Variants in CDH13 observed in about 807,000 individuals in gnomAD.
The protein encoded by CDH13 is cadherin 13, also known as cadherin-13.
Under a neutral mutation model 63.8 loss-of-function variants are expected in CDH13, and 24 were observed. The observed-to-expected ratio is 0.38, with a 90% CI of 0.27 to 0.53. CDH13 has a LOEUF of 0.53. CDH13 is among the 20% of genes least tolerant of loss of function. CDH13 has a pLI of 0.85. For missense variants in CDH13, 1,049 were observed against 903.1 expected (o/e 1.16, Z -2.07); for synonymous variants, 503 against 355.3 (o/e 1.42, Z -4.67).
In CDH13 at chr16:83,799,018, T is replaced by C. The variant is rs1567604621; in HGVS notation, c.*3988T>C. 1 of 152,060 alleles carries C rather than the reference T, an allele frequency of 6.6e-6. No individual in the cohort carries two copies. Among genetic ancestry groups the C allele is most frequent in the Non-Finnish European group, 1.5e-5 (1 of 67,994 alleles). The allele number at this position is 152,060 out of a possible 1,614,324, so 9.4% of individuals were successfully genotyped here. A position where few individuals can be genotyped will look rare whatever the true frequency, so the allele number is the denominator to read the frequency against. ...CTCCTAGATTAATTTAACATCTCAG[T>C]TAATCAAAAGTAGCCGGGCATGGTG... On this transcript the variant is annotated 3_prime_UTR_variant, in exon 14 of 14. Coordinates refer to ENST00000567109, the MANE Select transcript of CDH13 (RefSeq NM_001257.5).
chr16:82,899,850 T>C (rs1446861702), intron 2 of CDH13, among the ~76,000 whole-genome samples: 2 of 152,222 alleles, frequency 1.3e-5, no homozygotes, highest in African/African-American at 4.8e-5. Flanking sequence ...CTCTTTGCTG[T>C]TATTTCTCCA....
chr16:82,789,835 C>G (rs1027218764), intron 1 of CDH13, among the ~76,000 whole-genome samples: 7 of 152,158 alleles, frequency 4.6e-5, no homozygotes, highest in South Asian at 2.1e-4. Context: ...GTTTCTATGA[C>G]TGACCAGCCT....
intron 1 of CDH13, among the ~76,000 whole-genome samples, chr16:82,660,983 C>G (rs1159127271): frequency 4.6e-5 from 7 of 151,634 alleles, no homozygotes; most frequent in African/African-American, 1.5e-4. Flanking sequence ...AAAAACAAAC[C>G]AAACACCCAC....
At chr16:83,382,655 G>A (rs140407067) in intron 6 of CDH13, among the ~76,000 whole-genome samples, 12 of 152,162 alleles carry the variant, frequency 7.9e-5, no homozygotes, top group Admixed American at 5.9e-4. Flanking sequence ...TCCACACCCC[G>A]TTCAGGGTTT....
At chr16:83,633,929 T>G (rs1981863) in intron 8 of CDH13, among the ~76,000 whole-genome samples, 148,918 of 152,234 alleles carry the variant, frequency 0.98, 72,929 homozygotes, top group East Asian at 1. Flanking sequence ...TTTTTCCATT[T>G]TTCCATGATC....
intron 7 of CDH13, among the ~76,000 whole-genome samples, chr16:83,581,478 C>T (rs1028738992): frequency 7.9e-5 from 12 of 152,148 alleles, no homozygotes; most frequent in African/African-American, 2.7e-4. Context: ...CTCCTTATTC[C>T]TTTCATGACT....
chr16:83,696,463 C>T (rs34156079), intron 10 of CDH13, among the ~76,000 whole-genome samples: 41,297 of 151,832 alleles, frequency 0.27, 5,854 homozygotes, highest in Non-Finnish European at 0.29. Flanking sequence ...CATGAAGAGA[C>T]GTCCTTCAAG....
Position 83,226,659 on chromosome 16 carries a change from C to T in CDH13, c.636+9162C>T, listed in dbSNP as rs1007143271. Among the ~76,000 whole-genome samples, 6 of 152,152 alleles carry T rather than the reference C, an allele frequency of 3.9e-5. No individual in the cohort carries two copies. The East Asian group carries it at 7.7e-4, about 20-fold the overall frequency. On this transcript the variant is annotated intron_variant, in intron 5 of 13. Transcript: ENST00000567109. ...TGGCGGCATTTTCTTTCCCAAGGTG[C>T]GGAAGCATCGCAATACATTGGGACT...
At position 83,164,589 on chromosome 16, in the gene CDH13, G is replaced by A. The variant is rs189669645; in HGVS notation, c.483+39088G>A. 3.3e-3 allele frequency among the ~76,000 whole-genome samples: 506 copies of A among 151,948 alleles called. 5 individuals carry two copies. Among genetic ancestry groups the A allele is most frequent in the Non-Finnish European group, 5.1e-3 (348 of 67,962 alleles). ...TACAGAAATTAGCCAGGCATGGTGG[G>A]GGCGCCTGCAATCCCAGCTACTCAG... On this transcript the variant is annotated intron_variant, in intron 4 of 13. Coordinates refer to ENST00000567109, the MANE Select transcript of CDH13 (RefSeq NM_001257.5).
intron 11 of CDH13, among the ~76,000 whole-genome samples, chr16:83,765,596 T>C (rs1487619959): frequency 6.6e-6 from 1 of 151,726 alleles, no homozygotes; most frequent in Non-Finnish European, 1.5e-5. Flanking sequence ...ATTTCTGAGA[T>C]GAAATTGGCA....
rs961614845 is a variant in CDH13, at chr16:83,256,600, G to A, written c.636+39103G>A. Among the ~76,000 whole-genome samples the A allele has an allele frequency of 5.9e-5, 9 of 151,362 alleles. No homozygotes were observed. The East Asian group carries it at 1.6e-3, about 26-fold the overall frequency. ...TAATCCCAGCACTTTGGGAGGCTGA[G>A]GCGGGCGAATCACGAGGTCAGGAGA... On this transcript the variant is annotated intron_variant, in intron 5 of 13. Coordinates refer to ENST00000567109, the MANE Select transcript of CDH13 (RefSeq NM_001257.5).
At chr16:83,467,902 G>T (rs980811945) in intron 6 of CDH13, among the ~76,000 whole-genome samples, 1 of 152,190 alleles carries the variant, frequency 6.6e-6, no homozygotes, top group African/African-American at 2.4e-5. Flanking sequence ...GTTTGACAGG[G>T]TGAATCAAGG....
intron 6 of CDH13, among the ~76,000 whole-genome samples, chr16:83,395,715 G>A (rs968894426): frequency 6.6e-6 from 1 of 152,292 alleles, no homozygotes; most frequent in East Asian, 1.9e-4. Flanking sequence ...ATCACATAGT[G>A]GTTGAAACTG....
rs1329250878 is a variant in CDH13 at position 83,500,334 on chromosome 16, TCCTCCTCC to T, written c.960+13680_960+13687del. Among the ~76,000 whole-genome samples the T allele has an allele frequency of 8.5e-4, 2 of 2,358 alleles. 1 individual carries two copies. Among genetic ancestry groups the T allele is most frequent in the Admixed American group, 0.018 (2 of 112 alleles). The allele number at this position is 2,358 out of a possible 152,430, so 1.5% of individuals were successfully genotyped here. Reference sequence around the variant, plus strand: ...CTTCTCCTTCTCCTCCTCCTCCTCCTCCTCCTCCTCCTCCTCCTCCTTCTTCCTTCTTC... The same window carrying T: ...CTTCTCCTTCTCCTCCTCCTCCTCCTTCCTCCTCCTCCTTCTTCCTTCTTC... On this transcript the variant is annotated intron_variant, in intron 7 of 13. Coordinates refer to ENST00000567109, the MANE Select transcript of CDH13 (RefSeq NM_001257.5).
chr16:83,668,838 C>T (rs1914240938), intron 8 of CDH13, among the ~76,000 whole-genome samples: 2 of 152,236 alleles, frequency 1.3e-5, no homozygotes, highest in Non-Finnish European at 2.9e-5. Flanking sequence ...ACCAAGCCCC[C>T]TCCTGACTAC....
chr16:83,288,569 G>A (rs1002459604), intron 5 of CDH13, among the ~76,000 whole-genome samples: 4 of 152,188 alleles, frequency 2.6e-5, no homozygotes, highest in African/African-American at 4.8e-5. Context: ...GCCACACAGA[G>A]CCAGCTGTCC....
intron 6 of CDH13, among the ~76,000 whole-genome samples, chr16:83,349,569 C>A (rs886595948): frequency 7.3e-6 from 1 of 137,810 alleles, no homozygotes; most frequent in Non-Finnish European, 1.5e-5. Flanking sequence ...GGAAGTCAGA[C>A]AACTTGAGGT....
At chr16:83,259,004 A>G (rs1383124397) in intron 5 of CDH13, among the ~76,000 whole-genome samples, 1 of 152,196 alleles carries the variant, frequency 6.6e-6, no homozygotes, top group Non-Finnish European at 1.5e-5. Context: ...GTGCTATGTC[A>G]TAAATATCAC....
At chr16:83,171,378 C>T in intron 4 of CDH13, 1 of 697,012 alleles carries the variant, frequency 1.4e-6, no homozygotes, top group Non-Finnish European at 2.5e-6. Flanking sequence ...TCACCTGCCA[C>T]CAGGCCCCAC....
Sources: allele counts gnomAD v4.1 joint callset (sites outside exome capture counted in the v4.1 genomes callset), GRCh38; gene constraint gnomAD v4.1.1; transcripts MANE v1.5; gene names NCBI Gene and HGNC (gene_info 2026-07-23, HGNC 2026-07-21).